The following PLEKHA3 variants were observed in gnomAD, a reference collection of about 807,000 sequenced individuals.
PLEKHA3 encodes pleckstrin homology domain-containing family A member 3.
In PLEKHA3, 19 loss-of-function variants were observed where a neutral mutation model predicts 39.2. The observed-to-expected ratio is 0.48, with a 90% CI of 0.34 to 0.71. The LOEUF is 0.71. Among genes scored for constraint, PLEKHA3 ranks in the 30% least tolerant of loss-of-function variants. The pLI is 0.01. For missense variants in PLEKHA3, 253 were observed against 359.5 expected (o/e 0.70, Z 2.40); for synonymous variants, 97 against 118.6 (o/e 0.82, Z 1.18).
intron 7 of PLEKHA3, among the ~76,000 whole-genome samples, chr2:178,501,917 G>A (rs1376214693): frequency 6.6e-6 from 1 of 151,928 alleles, no homozygotes; most frequent in African/African-American, 2.4e-5. Flanking sequence ...GGAACAGGTC[G>A]TGTTCCAATA....
chr2:178,512,118 A>G lies in PLEKHA3; in HGVS notation c.*8231A>G, dbSNP rs1328304546. 1.3e-5 allele frequency: 2 copies of G among 152,246 alleles called. No homozygotes were observed. Among genetic ancestry groups the G allele is most frequent in the African/African-American group, 4.8e-5 (2 of 41,470 alleles). 9.4% of individuals were successfully genotyped at this position (152,246 alleles called of 1,614,324 possible). ...ATTAGAATGATGAATATCTTATTGT[A>G]TCCTGAAACATTAAGCCTTTAAGTT... On this transcript the variant is annotated 3_prime_UTR_variant, in exon 8 of 8. Transcript: ENST00000234453.
chr2:178,483,451 C>A (rs1251195877), intron 1 of PLEKHA3, among the ~76,000 whole-genome samples: 1 of 151,872 alleles, frequency 6.6e-6, no homozygotes, highest in East Asian at 1.9e-4. Context: ...TTAAATATTT[C>A]TTCAAAAAGT....
Position 178,505,552 on chromosome 2 carries a change from T to C in PLEKHA3, c.*1665T>C, listed in dbSNP as rs1685589707. The C allele has an allele frequency of 6.6e-6, 1 of 151,230 alleles. No homozygotes were observed. Among genetic ancestry groups the C allele is most frequent in the South Asian group, 2.1e-4 (1 of 4,816 alleles). 9.4% of individuals were successfully genotyped at this position (151,230 alleles called of 1,614,324 possible). A position where few individuals can be genotyped will look rare whatever the true frequency, so the allele number is the denominator to read the frequency against. ...GACGTTGAGCAGGTAATCAGGTTTT[T>C]CTTGTTTTTTTTTTTTTTTTAAATT... On this transcript the variant is annotated 3_prime_UTR_variant, in exon 8 of 8. Coordinates refer to ENST00000234453, the MANE Select transcript of PLEKHA3 (RefSeq NM_019091.4).
At chr2:178,485,892 G>T (rs1255476926) in intron 2 of PLEKHA3, 135 bp downstream of exon 2, 1 of 591,186 alleles carries the variant, frequency 1.7e-6, no homozygotes. Context: ...TAGCAGTCAG[G>T]AGTGGCATTT....
In PLEKHA3 at chr2:178,512,108, A is replaced by G. The variant is rs549456059; in HGVS notation, c.*8221A>G. 2.0e-5 allele frequency: 3 copies of G among 152,360 alleles called. No individual in the cohort carries two copies. The East Asian group carries it at 5.8e-4, about 29-fold the overall frequency. The allele number at this position is 152,360 out of a possible 1,614,324, so 9.4% of individuals were successfully genotyped here. A position where few individuals can be genotyped will look rare whatever the true frequency, so the allele number is the denominator to read the frequency against. ...CATGAGACTGATTAGAATGATGAATATCTTATTGTATCCTGAAACATTAAG... is the reference window on the plus strand; with the variant it reads ...CATGAGACTGATTAGAATGATGAATGTCTTATTGTATCCTGAAACATTAAG... On this transcript the variant is annotated 3_prime_UTR_variant, in exon 8 of 8. Coordinates refer to ENST00000234453, the MANE Select transcript of PLEKHA3 (RefSeq NM_019091.4).
At chr2:178,488,395 G>A (rs1355050000) in intron 2 of PLEKHA3, among the ~76,000 whole-genome samples, 3 of 152,196 alleles carry the variant, frequency 2.0e-5, no homozygotes, top group East Asian at 1.9e-4. Flanking sequence ...GACATCTTCT[G>A]TGTTACTTTC....
intron 3 of PLEKHA3, among the ~76,000 whole-genome samples, chr2:178,493,433 A>G (rs1685388823): frequency 1.3e-5 from 2 of 152,214 alleles, no homozygotes; most frequent in African/African-American, 4.8e-5. Context: ...AAAGATTACT[A>G]TCTTTAATTT....
chr2:178,503,462 AAATATTTATTGAC>A (rs1333769654), intron 7 of PLEKHA3, among the ~76,000 whole-genome samples: 1 of 151,984 alleles, frequency 6.6e-6, no homozygotes, highest in African/African-American at 2.4e-5. Flanking sequence ...TCAATTCAGC[AAATATTTATTGAC>A]TACCTATTAT....
At chr2:178,495,802 AC>A (rs1559384743) in intron 5 of PLEKHA3, 142 bp downstream of exon 5, 2 of 874,232 alleles carry the variant, frequency 2.3e-6, no homozygotes, top group Non-Finnish European at 3.5e-6. Flanking sequence ...TTTTGTTTGT[AC>A]TGTTTCATAT....
intron 7 of PLEKHA3, 22 bp from the exon 8 acceptor site, chr2:178,503,738 G>A (rs372321622): frequency 5.0e-6 from 8 of 1,607,828 alleles, no homozygotes; most frequent in Admixed American, 1.7e-5. Context: ...GATGTTTAAC[G>A]TTTTTATCAA....
rs1177001973 is a variant in PLEKHA3, at chr2:178,504,283, T to C, written c.*396T>C. ...TTGACAGAAGTGTGATATATGTAAC[T>C]TGTGCCATGGACCAAATGGTCACTT... On this transcript the variant is annotated 3_prime_UTR_variant, in exon 8 of 8. Coordinates refer to ENST00000234453, the MANE Select transcript of PLEKHA3 (RefSeq NM_019091.4). 2 of 159,020 alleles carry C rather than the reference T, an allele frequency of 1.3e-5. No individual in the cohort carries two copies. Among genetic ancestry groups the C allele is most frequent in the Non-Finnish European group, 2.8e-5 (2 of 71,500 alleles). 9.9% of individuals were successfully genotyped at this position (159,020 alleles called of 1,614,324 possible).
chr2:178,515,023 G>T lies in PLEKHA3; in HGVS notation c.*11136G>T. 6.7e-6 allele frequency: 1 copy of T among 148,210 alleles called. No homozygotes were observed. The highest frequency in any genetic ancestry group is 2.5e-5 in the African/African-American group (1 of 40,078). 9.2% of individuals were successfully genotyped at this position (148,210 alleles called of 1,614,324 possible). On this transcript the variant is annotated 3_prime_UTR_variant, in exon 8 of 8. Transcript: ENST00000234453. The stretch of plus-strand genomic sequence containing the variant: ...TATACCGATGACTTACCAATTTTTG[G>T]TCTTATAACATTCTCTCTCTTTTTT...
At chr2:178,481,245 T>G (rs548947042) in intron 1 of PLEKHA3, among the ~76,000 whole-genome samples, 1 of 152,372 alleles carries the variant, frequency 6.6e-6, no homozygotes, top group South Asian at 2.1e-4. Context: ...TTAAGAGCAT[T>G]TTGTTAATAA....
intron 2 of PLEKHA3, 132 bp downstream of exon 2, chr2:178,485,889 C>T: frequency 1.7e-6 from 1 of 594,630 alleles, no homozygotes. Context: ...CCTTAGCAGT[C>T]AGGAGTGGCA....
intron 2 of PLEKHA3, among the ~76,000 whole-genome samples, chr2:178,487,723 T>C (rs7588593): frequency 0.17 from 26,411 of 152,244 alleles, 3,007 homozygotes; most frequent in East Asian, 0.62. Context: ...GAATTACTGG[T>C]GTTAGCCACT....
In PLEKHA3 at chr2:178,503,687, T is replaced by G. The variant is rs1005370855; in HGVS notation, c.776-73T>G. Reference sequence around the variant, plus strand: ...ATTTCATGTCCCTGAACAGGAAATTTAAAATGTTCTTTCACAGAGGACTGG... The same window carrying G: ...ATTTCATGTCCCTGAACAGGAAATTGAAAATGTTCTTTCACAGAGGACTGG... On this transcript the variant is annotated intron_variant, in intron 7 of 7. Transcript: ENST00000234453. 2.7e-6 allele frequency: 4 copies of G among 1,480,160 alleles called. No homozygotes were observed. The African/African-American group carries it at 4.2e-5, about 16-fold the overall frequency. 91.7% of individuals were successfully genotyped at this position (1,480,160 alleles called of 1,614,324 possible).
rs1685583414 is a variant in PLEKHA3 at position 178,504,989 on chromosome 2, A to G, written c.*1102A>G. On this transcript the variant is annotated 3_prime_UTR_variant, in exon 8 of 8. Coordinates refer to ENST00000234453, the MANE Select transcript of PLEKHA3 (RefSeq NM_019091.4). Reference sequence around the variant, plus strand: ...TAAGGTTTTGGATAAGGAGCACTTTAAAACAAACTGGTGTGTTGTTTTTAA... The same window carrying G: ...TAAGGTTTTGGATAAGGAGCACTTTGAAACAAACTGGTGTGTTGTTTTTAA... 6.6e-6 allele frequency: 1 copy of G among 152,424 alleles called. No homozygotes were observed. Among genetic ancestry groups the G allele is most frequent in the African/African-American group, 2.4e-5 (1 of 41,446 alleles). 9.4% of individuals were successfully genotyped at this position (152,424 alleles called of 1,614,324 possible). A position where few individuals can be genotyped will look rare whatever the true frequency, so the allele number is the denominator to read the frequency against.
At chr2:178,494,906 CTT>C (rs143346176) in intron 4 of PLEKHA3, among the ~76,000 whole-genome samples, 9 of 122,238 alleles carry the variant, frequency 7.4e-5, no homozygotes, top group African/African-American at 2.1e-4. Flanking sequence ...AACTTCTCAT[CTT>C]TTTTTTTTTT....
intron 4 of PLEKHA3, among the ~76,000 whole-genome samples, chr2:178,494,714 A>G (rs532788217): frequency 6.6e-6 from 1 of 152,162 alleles, no homozygotes; most frequent in South Asian, 2.1e-4. Context: ...GGCTTGTTCC[A>G]TCCTTCCACT....
Sources: gnomAD v4.1 joint callset for allele counts (sites outside exome capture counted in the v4.1 genomes callset) on GRCh38, gnomAD v4.1.1 for gene constraint, MANE v1.5 for transcripts, NCBI Gene and HGNC (gene_info 2026-07-23, HGNC 2026-07-21) for gene names.